The following MCF2L variants were observed in gnomAD, a reference collection of about 807,000 sequenced individuals.
The protein encoded by MCF2L is MCF.2 cell line derived transforming sequence like, also known as guanine nucleotide exchange factor DBS.
A neutral mutation model predicts 153.4 loss-of-function variants in MCF2L; 97 were observed. The ratio of observed to expected loss-of-function variants is 0.63; its 90% CI spans 0.54 to 0.75. The LOEUF (loss-of-function observed/expected upper bound fraction) is 0.75. MCF2L is among the 30% of genes least tolerant of loss of function. MCF2L has a pLI of 0.00. For missense variants in MCF2L, 1,347 were observed against 1,495.2 expected, an observed-to-expected ratio of 0.90 and a Z score of 1.64; for synonymous variants, 659 against 632.2, an observed-to-expected ratio of 1.04 and a Z score of -0.64.
Position 113,027,626 on chromosome 13 carries a change from C to T in MCF2L, c.278+2868C>T, listed in dbSNP as rs867694128. The stretch of plus-strand genomic sequence containing the variant: ...CACGGAGGAGGGGCTGGGTCTCGGG[C>T]CGAGCGGCCGAGCTCCCTGAGGGGC... On this transcript the variant is annotated intron_variant, in intron 3 of 29. Coordinates refer to ENST00000535094, the MANE Select transcript of MCF2L (RefSeq NM_001112732.3). The surrounding 1 kb of genome is among the most constrained non-coding windows in gnomAD (Gnocchi z 4.8). Among the ~76,000 whole-genome samples, 23 of 152,262 alleles carry T rather than the reference C, an allele frequency of 1.5e-4. No individual in the cohort carries two copies. Among genetic ancestry groups the T allele is most frequent in the Middle Eastern group, 6.8e-3 (2 of 294 alleles).
chr13:112,980,949 A>G (rs1186319499), intron 1 of MCF2L, among the ~76,000 whole-genome samples: 1 of 152,182 alleles, frequency 6.6e-6, no homozygotes. Flanking sequence ...GGGGGCTTGG[A>G]GATGGGGACC....
At chr13:112,896,489 A>T (rs1019171681) in intron 1 of MCF2L, among the ~76,000 whole-genome samples, 19 of 151,206 alleles carry the variant, frequency 1.3e-4, no homozygotes, top group Admixed American at 1.2e-3. Context: ...TGTAATTTGC[A>T]TTTGTAACGT....
Position 113,064,293 on chromosome 13 carries a change from T to G in MCF2L, c.490-11T>G. On this transcript the variant is annotated splice_polypyrimidine_tract_variant and intron_variant, in intron 5 of 29. Transcript: ENST00000535094. This position sits in a 1 kb window ranked among gnomAD's most constrained non-coding sequence, Gnocchi z 6.0. ...TCCCAAACACTACCACGCATTCCCT[T>G]TCTCCTCCAGGTCATAATGCTGAGC... 6.3e-7 allele frequency: 1 copy of G among 1,596,352 alleles called. No homozygotes were observed. The highest frequency in any genetic ancestry group is 2.2e-5 in the East Asian group (1 of 44,802).
chr13:113,073,298 G>A (rs1397206257), intron 9 of MCF2L, among the ~76,000 whole-genome samples: 1 of 152,176 alleles, frequency 6.6e-6, no homozygotes, highest in African/African-American at 2.4e-5. Flanking sequence ...GCTATTGTTA[G>A]GTGAAGTTTT....
At chr13:113,062,864 C>A (rs1266181245) in intron 5 of MCF2L, among the ~76,000 whole-genome samples, 3 of 152,194 alleles carry the variant, frequency 2.0e-5, no homozygotes, top group Admixed American at 2.0e-4. Flanking sequence ...GCTTATGCGG[C>A]CGTCGCAACC....
intron 27 of MCF2L, 58 bp downstream of exon 27, chr13:113,094,693 G>A (rs765017937): frequency 1.1e-4 from 169 of 1,564,950 alleles, no homozygotes; most frequent in Non-Finnish European, 1.4e-4. Flanking sequence ...GGGATTAGGG[G>A]TGCTTCTGGC....
intron 2 of MCF2L, among the ~76,000 whole-genome samples, chr13:112,914,928 T>C (rs1299369322): frequency 2.6e-5 from 4 of 152,146 alleles, no homozygotes; most frequent in Non-Finnish European, 4.4e-5. Flanking sequence ...ATTTGGGGGC[T>C]TCTGGATTTT....
chr13:112,919,597 G>A (rs969446353), intron 2 of MCF2L, among the ~76,000 whole-genome samples: 2 of 152,036 alleles, frequency 1.3e-5, no homozygotes, highest in African/African-American at 2.4e-5. Flanking sequence ...GCCTAGAAAC[G>A]CCTTGAGAAA....
At chr13:112,900,551 C>T (rs2081109909) in intron 1 of MCF2L, among the ~76,000 whole-genome samples, 1 of 151,198 alleles carries the variant, frequency 6.6e-6, no homozygotes, top group Non-Finnish European at 1.5e-5. Context: ...GGGGTGGTCT[C>T]GAAGGCCTGT....
intron 1 of MCF2L, among the ~76,000 whole-genome samples, chr13:113,005,107 G>A (rs1006134444): frequency 4.6e-5 from 7 of 152,314 alleles, no homozygotes; most frequent in South Asian, 2.1e-4. Flanking sequence ...GGATGGGCGC[G>A]TGAAGATGAT....
At chr13:113,092,881 C>T (rs1163415358) in intron 26 of MCF2L, among the ~76,000 whole-genome samples, 4 of 152,240 alleles carry the variant, frequency 2.6e-5, no homozygotes, top group African/African-American at 7.2e-5. Flanking sequence ...CTCAAGAATC[C>T]TTTTGTGTCT....
At chr13:113,092,931 G>A (rs779038396) in intron 26 of MCF2L, among the ~76,000 whole-genome samples, 1 of 147,090 alleles carries the variant, frequency 6.8e-6, no homozygotes, top group South Asian at 2.4e-4. Flanking sequence ...GTTTCACCCC[G>A]CACAGGCCGG....
rs146767773 is a variant in MCF2L at position 113,049,504 on chromosome 13, C to T, written c.369+4143C>T. Among the ~76,000 whole-genome samples, 30 of 152,306 alleles carry T rather than the reference C, an allele frequency of 2.0e-4. No homozygotes were observed. The East Asian group carries it at 4.8e-3, about 24-fold the overall frequency. On this transcript the variant is annotated intron_variant, in intron 4 of 29. Coordinates refer to ENST00000535094, the MANE Select transcript of MCF2L (RefSeq NM_001112732.3). ...TGGGGACACCAAGTAGTGGCTGCAG[C>T]GGGGCACCTGGACGCCAACCCCTGG... is the stretch of plus-strand genomic sequence containing the variant.
chr13:112,918,346 G>A (rs184267235), intron 2 of MCF2L, among the ~76,000 whole-genome samples: 17 of 152,336 alleles, frequency 1.1e-4, no homozygotes, highest in African/African-American at 4.1e-4. Context: ...AGCCAGCTTG[G>A]TGGAAGCTCC....
Position 112,987,009 on chromosome 13 carries a change from G to A in MCF2L, c.79+17551G>A, listed in dbSNP as rs932273013. Among the ~76,000 whole-genome samples the A allele has an allele frequency of 3.9e-5, 6 of 152,170 alleles. No homozygotes were observed. In the South Asian group the frequency reaches 1.0e-3, roughly 26 times the overall value. ...TCAGGTGGGACTCGGAGCCAGTGTC[G>A]GAGCTGGAGCACATGAGGTCGCGGG... On this transcript the variant is annotated intron_variant, in intron 1 of 29. Transcript: ENST00000535094.
intron 2 of MCF2L, among the ~76,000 whole-genome samples, chr13:112,921,112 G>T (rs1211113920): frequency 6.6e-6 from 1 of 152,124 alleles, no homozygotes. Context: ...GGGAGGCAGA[G>T]CTTGCAGTGA....
chr13:113,023,992 C>T (rs534362067), intron 2 of MCF2L, among the ~76,000 whole-genome samples: 25 of 152,348 alleles, frequency 1.6e-4, no homozygotes, highest in Non-Finnish European at 2.8e-4. Flanking sequence ...CAAAACAGAT[C>T]GCAAGGCCAG....
Position 112,943,751 on chromosome 13 carries a change from C to T in MCF2L, c.169+41380C>T, listed in dbSNP as rs1324671762. Among the ~76,000 whole-genome samples, 1 of 152,028 alleles carries T rather than the reference C, an allele frequency of 6.6e-6. No homozygotes were observed. The highest frequency in any genetic ancestry group is 6.5e-5 in the Admixed American group (1 of 15,282). On this transcript the variant is annotated intron_variant, in intron 2 of 29. Coordinates refer to the MCF2L transcript ENST00000375608. The surrounding 1 kb of genome is among the most constrained non-coding windows in gnomAD (Gnocchi z 4.2). ...CAGCCTGCGGTGGCTCGGCTCGGGC[C>T]GGCGGAGATCTGGGAGCATTTTCTG...
rs563284781 is a variant in MCF2L, at chr13:113,070,386, G to A, written c.996+213G>A. ...GATGACTGCGTCATTGTATAGAAAG[G>A]TGATTGAAAATCAGCTCACTGGGAT... is the stretch of plus-strand genomic sequence containing the variant. On this transcript the variant is annotated intron_variant, in intron 9 of 29. Transcript: ENST00000535094. The surrounding 1 kb of genome is among the most constrained non-coding windows in gnomAD (Gnocchi z 5.6). 2 of 392,092 alleles carry A rather than the reference G, an allele frequency of 5.1e-6. No homozygotes were observed. The highest frequency in any genetic ancestry group is 5.1e-5 in the East Asian group (1 of 19,444). The allele number at this position is 392,092 out of a possible 1,614,324, so 24.3% of individuals were successfully genotyped here.
Sources: gnomAD v4.1 joint callset for allele counts (sites outside exome capture counted in the v4.1 genomes callset) on GRCh38, gnomAD v4.1.1 for gene constraint, Gnocchi (gnomAD v3.1) non-coding constraint, MANE v1.5 for transcripts, NCBI Gene and HGNC (gene_info 2026-07-23, HGNC 2026-07-21) for gene names.